The following MTUS2 variants were observed in gnomAD, a reference collection of about 807,000 sequenced individuals.
MTUS2 encodes the protein microtubule-associated tumor suppressor candidate 2.
In MTUS2, 40 loss-of-function variants were observed where a neutral mutation model predicts 114.1. That is an observed-to-expected ratio of 0.35 (90% CI 0.27 to 0.46). The LOEUF is 0.46. Among genes scored for constraint, MTUS2 ranks in the 20% least tolerant of loss-of-function variants. MTUS2 has a pLI of 1.00. For synonymous variants in MTUS2, 688 were observed against 672.0 expected (o/e 1.02, Z -0.37); for missense variants, 1,679 against 1,705.4 (o/e 0.98, Z 0.27).
intron 2 of MTUS2, among the ~76,000 whole-genome samples, chr13:28,848,995 T>C (rs577354970): frequency 6.6e-6 from 1 of 152,346 alleles, no homozygotes; most frequent in Non-Finnish European, 1.5e-5. Context: ...TAGCCTATAT[T>C]GCTGCATGGT....
intron 5 of MTUS2, among the ~76,000 whole-genome samples, chr13:29,272,794 T>C (rs1897926182): frequency 6.6e-6 from 1 of 152,244 alleles, no homozygotes; most frequent in Admixed American, 6.5e-5. Context: ...CTGTCTTAGT[T>C]TTCTTTGTGC....
chr13:28,916,711 A>C (rs1330362673), intron 2 of MTUS2, among the ~76,000 whole-genome samples: 1 of 151,778 alleles, frequency 6.6e-6, no homozygotes, highest in Non-Finnish European at 1.5e-5. Context: ...TGTCATCTAC[A>C]AACAAAAATA....
chr13:29,134,345 G>C (rs528620890), intron 5 of MTUS2, among the ~76,000 whole-genome samples: 55 of 152,116 alleles, frequency 3.6e-4, no homozygotes, highest in Middle Eastern at 3.4e-3. Flanking sequence ...AAAAGAATGT[G>C]AATTCTGTTA....
At chr13:29,448,778 T>C (rs73444054) in intron 9 of MTUS2, among the ~76,000 whole-genome samples, 6,940 of 128,928 alleles carry the variant, frequency 0.054, 641 homozygotes, top group African/African-American at 0.19. Flanking sequence ...TTTTTTAAGA[T>C]GGAGTCTCAC....
chr13:29,246,964 C>CT (rs200277179), intron 5 of MTUS2, among the ~76,000 whole-genome samples: 2 of 150,572 alleles, frequency 1.3e-5, no homozygotes, highest in African/African-American at 4.9e-5. Context: ...CAAAGCAAGT[C>CT]TAAGCAAAAA....
At chr13:28,864,106 G>T (rs573306901) in intron 2 of MTUS2, among the ~76,000 whole-genome samples, 13 of 152,248 alleles carry the variant, frequency 8.5e-5, no homozygotes, top group Non-Finnish European at 1.8e-4. Flanking sequence ...CCTGCAAATT[G>T]GGTTCTCCTC....
rs541395149 is a variant in MTUS2 at position 29,337,124 on chromosome 13, C to A, written c.2905+12413C>A. Among the ~76,000 whole-genome samples the A allele has an allele frequency of 8.1e-4, 124 of 152,148 alleles. 1 individual carries two copies. Among genetic ancestry groups the A allele is most frequent in the African/African-American group, 2.9e-3 (120 of 41,498 alleles). ...TGAGCTAGACCACTTGGCTCCCTGG[C>A]TTCAGCCCCCTTTCCAGGGGGGTGA... On this transcript the variant is annotated intron_variant, in intron 7 of 15. Coordinates refer to ENST00000612955, the MANE Select transcript of MTUS2 (RefSeq NM_001033602.4).
chr13:29,497,734 G>A, intron 13 of MTUS2: 1 of 195,634 alleles, frequency 5.1e-6, no homozygotes, highest in South Asian at 1.3e-4. Flanking sequence ...ATTTTTTCCA[G>A]AAAAGCTGGC....
intron 2 of MTUS2, among the ~76,000 whole-genome samples, chr13:29,017,992 C>T (rs573322260): frequency 6.6e-6 from 1 of 152,238 alleles, no homozygotes; most frequent in South Asian, 2.1e-4. Context: ...TATGACAGTT[C>T]CAAAAGGAAA....
intron 5 of MTUS2, among the ~76,000 whole-genome samples, chr13:29,148,472 C>CTTTTT (rs976334425): frequency 4.5e-4 from 32 of 71,364 alleles, no homozygotes; most frequent in African/African-American, 9.0e-4. Flanking sequence ...GTTTGGTTTT[C>CTTTTT]TTTTTTTTTT....
Position 29,113,858 on chromosome 13 carries a change from C to T in MTUS2, c.2644+12888C>T, listed in dbSNP as rs570621597. Among the ~76,000 whole-genome samples, 8 of 152,098 alleles carry T rather than the reference C, an allele frequency of 5.3e-5. 1 individual carries two copies. The South Asian group carries it at 1.7e-3, about 32-fold the overall frequency. ...TAAATCTCATATTGAAATGTAATCC[C>T]CAGTGTTGGAGGTGGGGCCTGGTGT... is the stretch of plus-strand genomic sequence containing the variant. On this transcript the variant is annotated intron_variant, in intron 5 of 15. Coordinates refer to ENST00000612955, the MANE Select transcript of MTUS2 (RefSeq NM_001033602.4).
chr13:29,330,649 A>G (rs1265342229), intron 7 of MTUS2, among the ~76,000 whole-genome samples: 1 of 152,222 alleles, frequency 6.6e-6, no homozygotes. Context: ...AGTTTTCTGC[A>G]TATGGCGAGC....
chr13:29,504,413 T>C lies in MTUS2; in HGVS notation c.*1207T>C, dbSNP rs768634477. ...TTCCAGAAAAAAAAAACACCATTTC[T>C]GTCCCGGGGGACCAGTTCTGAGCTG... On this transcript the variant is annotated 3_prime_UTR_variant, in exon 16 of 16. Coordinates refer to ENST00000612955, the MANE Select transcript of MTUS2 (RefSeq NM_001033602.4). 2 of 231,170 alleles carry C rather than the reference T, an allele frequency of 8.7e-6. No homozygotes were observed. The highest frequency in any genetic ancestry group is 1.7e-5 in the Non-Finnish European group (2 of 117,200). The allele number at this position is 231,170 out of a possible 1,614,324, so 14.3% of individuals were successfully genotyped here.
At chr13:29,011,239 C>T (rs1197634127) in intron 2 of MTUS2, among the ~76,000 whole-genome samples, 1 of 152,080 alleles carries the variant, frequency 6.6e-6, no homozygotes, top group African/African-American at 2.4e-5. Flanking sequence ...AAAATTCATA[C>T]TTACTCAGGT....
chr13:28,931,615 G>A (rs1225234937), intron 2 of MTUS2, among the ~76,000 whole-genome samples: 1 of 152,142 alleles, frequency 6.6e-6, no homozygotes, highest in African/African-American at 2.4e-5. Flanking sequence ...TCGGTCTCCA[G>A]AAGTTCTTCC....
At chr13:29,502,872 C>G in intron 15 of MTUS2, 121 bp from the exon 16 acceptor site, 9 of 953,662 alleles carry the variant, frequency 9.4e-6, no homozygotes, top group South Asian at 1.6e-5. Flanking sequence ...CTGGGTCACC[C>G]TGGTCCCTGT....
intron 5 of MTUS2, among the ~76,000 whole-genome samples, chr13:29,215,231 C>T (rs892503714): frequency 2.0e-5 from 3 of 151,890 alleles, no homozygotes; most frequent in African/African-American, 7.3e-5. Context: ...ATGTTCTTCT[C>T]TAAACTGGTT....
chr13:29,420,868 A>C (rs1427104549), intron 8 of MTUS2, among the ~76,000 whole-genome samples: 1 of 152,178 alleles, frequency 6.6e-6, no homozygotes, highest in Non-Finnish European at 1.5e-5. Flanking sequence ...TAATCATCCT[A>C]GTCACTGACT....
intron 6 of MTUS2, among the ~76,000 whole-genome samples, chr13:29,313,030 T>C (rs920134782): frequency 6.6e-6 from 1 of 152,232 alleles, no homozygotes; most frequent in Non-Finnish European, 1.5e-5. Context: ...TTTACAAATA[T>C]TTACTGAGTG....
Sources: allele counts gnomAD v4.1 joint callset (sites outside exome capture counted in the v4.1 genomes callset), GRCh38; gene constraint gnomAD v4.1.1; transcripts MANE v1.5; gene names NCBI Gene and HGNC (gene_info 2026-07-23, HGNC 2026-07-21).